The following NNT variants were observed in gnomAD, a reference collection of about 807,000 sequenced individuals.
NNT encodes NAD(P) transhydrogenase, mitochondrial.
NNT carries 50 observed loss-of-function variants against 104.8 expected under a neutral mutation model. The ratio of observed to expected loss-of-function variants is 0.48; its 90% CI spans 0.38 to 0.60. The LOEUF is 0.60. Ranked by LOEUF, NNT falls within the 20% of genes least tolerant of loss-of-function variation. The pLI, the probability that NNT is intolerant of heterozygous loss-of-function variation, is 0.00. For synonymous variants in NNT, 461 were observed against 490.4 expected (o/e 0.94, Z 0.79); for missense variants, 1,131 against 1,330.7 (o/e 0.85, Z 2.33).
intron 4 of NNT, among the ~76,000 whole-genome samples, 190 bp downstream of exon 4, chr5:43,616,255 A>G (rs1749781294): frequency 6.6e-6 from 1 of 152,194 alleles, no homozygotes; most frequent in Admixed American, 6.5e-5. Flanking sequence ...AATGAACTCT[A>G]TTTATATTCC....
At chr5:43,649,421 C>G (rs2111876580) in intron 11 of NNT, 113 bp downstream of exon 11, 1 of 1,217,876 alleles carries the variant, frequency 8.2e-7, no homozygotes, top group Non-Finnish European at 1.2e-6. Context: ...TGCTTGGCAT[C>G]TGAGTCATCT....
chr5:43,623,883 A>G (rs1489229109), intron 5 of NNT, 149 bp from the exon 6 acceptor site: 1 of 746,042 alleles, frequency 1.3e-6, no homozygotes, highest in Admixed American at 1.9e-5. Flanking sequence ...TGTACTCCAT[A>G]CAGTTACTAA....
intron 18 of NNT, 84 bp downstream of exon 18, chr5:43,675,754 A>T (rs779817232): frequency 3.7e-5 from 39 of 1,041,562 alleles, no homozygotes; most frequent in Non-Finnish European, 4.9e-5. Flanking sequence ...GGAAAGTAGA[A>T]TTGAAACTTC....
At chr5:43,658,409 C>T (rs79707532) in intron 16 of NNT, among the ~76,000 whole-genome samples, 10,080 of 152,130 alleles carry the variant, frequency 0.066, 564 homozygotes, top group African/African-American at 0.15. Flanking sequence ...AGTTGTATCA[C>T]GGACATTGTT....
At position 43,650,605 on chromosome 5, in the gene NNT, G is replaced by A. The variant is rs775678782; in HGVS notation, c.1717+18G>A. The A allele has an allele frequency of 6.4e-7, 1 of 1,554,100 alleles. No homozygotes were observed. Among genetic ancestry groups the A allele is most frequent in the Non-Finnish European group, 8.9e-7 (1 of 1,125,462 alleles). On this transcript the variant is annotated intron_variant, in intron 12 of 21. Coordinates refer to ENST00000344920, the MANE Select transcript of NNT (RefSeq NM_182977.3). ...CATTGCAGGTATGATGTCAGTGAAA[G>A]GTCTCAGTACTATTTTCAATGGAGA...
chr5:43,656,865 T>A (rs755558839), intron 16 of NNT, 52 bp downstream of exon 16: 1 of 1,522,070 alleles, frequency 6.6e-7, no homozygotes, highest in Non-Finnish European at 8.9e-7. Flanking sequence ...CTGGGAATAT[T>A]TTGTTAGATT....
intron 1 of NNT, among the ~76,000 whole-genome samples, chr5:43,604,431 C>A (rs755135242): frequency 5.3e-5 from 8 of 152,138 alleles, no homozygotes; most frequent in Non-Finnish European, 8.8e-5. Context: ...GGCTGCTTAC[C>A]TTGGTGATAG....
intron 7 of NNT, among the ~76,000 whole-genome samples, chr5:43,639,312 C>T (rs185612944): frequency 8.3e-4 from 126 of 152,180 alleles, no homozygotes; most frequent in African/African-American, 2.6e-3. Flanking sequence ...AATGAATTTA[C>T]GTGAATCACA....
At chr5:43,656,988 A>C (rs1740089635) in intron 16 of NNT, among the ~76,000 whole-genome samples, 175 bp downstream of exon 16, 1 of 152,224 alleles carries the variant, frequency 6.6e-6, no homozygotes, top group South Asian at 2.1e-4. Flanking sequence ...GAGTGTAGGA[A>C]GAACATTATT....
rs16873502 is a variant in NNT, at chr5:43,704,454, G to T, written c.*50G>T. On this transcript the variant is annotated 3_prime_UTR_variant, in exon 22 of 22. Transcript: ENST00000344920. ...AATAATGCCACCTCTGCAGTTTTGG[G>T]AACAGGCAAATAAAGTATCAGTATA... is the stretch of plus-strand genomic sequence containing the variant. 2.5e-6 allele frequency: 4 copies of T among 1,592,560 alleles called. No individual in the cohort carries two copies. Among genetic ancestry groups the T allele is most frequent in the Non-Finnish European group, 3.4e-6 (4 of 1,164,294 alleles).
At chr5:43,629,563 T>C (rs1037621881) in intron 7 of NNT, among the ~76,000 whole-genome samples, 1 of 152,230 alleles carries the variant, frequency 6.6e-6, no homozygotes, top group East Asian at 1.9e-4. Flanking sequence ...CTGCTTTCCA[T>C]AGTGGTTGTA....
chr5:43,638,874 A>AT (rs1751077251), intron 7 of NNT, among the ~76,000 whole-genome samples: 1 of 151,354 alleles, frequency 6.6e-6, no homozygotes, highest in South Asian at 2.1e-4. Context: ...TAATTAATTA[A>AT]TTTTTTCTTT....
chr5:43,658,792 C>T (rs1740195039), intron 16 of NNT, among the ~76,000 whole-genome samples: 1 of 152,146 alleles, frequency 6.6e-6, no homozygotes, highest in Non-Finnish European at 1.5e-5. Flanking sequence ...AGACTGTGGG[C>T]TTATATTTTA....
intron 17 of NNT, among the ~76,000 whole-genome samples, chr5:43,670,016 G>T (rs1233019897): frequency 6.6e-6 from 1 of 152,142 alleles, no homozygotes; most frequent in African/African-American, 2.4e-5. Flanking sequence ...TTGGGAGGGT[G>T]TATGTGTCCA....
At chr5:43,608,347 T>A (rs1231989215) in intron 1 of NNT, among the ~76,000 whole-genome samples, 1 of 152,200 alleles carries the variant, frequency 6.6e-6, no homozygotes, top group Non-Finnish European at 1.5e-5. Context: ...GTGGAGGTAG[T>A]TCCTGAAACC....
In NNT at chr5:43,704,174, G is replaced by A. The variant is rs1742997507; in HGVS notation, c.3112-81G>A. The A allele has an allele frequency of 7.7e-6, 10 of 1,293,562 alleles. No individual in the cohort carries two copies. The South Asian group carries it at 1.3e-4, about 16-fold the overall frequency. 80.1% of individuals were successfully genotyped at this position (1,293,562 alleles called of 1,614,324 possible). A position where few individuals can be genotyped will look rare whatever the true frequency, so the allele number is the denominator to read the frequency against. On this transcript the variant is annotated intron_variant, in intron 21 of 21. Coordinates refer to ENST00000344920, the MANE Select transcript of NNT (RefSeq NM_182977.3). ...GTGGTACATGCCTTGTTCAAAGGTA[G>A]TGAAGAGCAATGTTTGTTTGCCTAA... is the stretch of plus-strand genomic sequence containing the variant.
At chr5:43,657,457 C>T (rs972207353) in intron 16 of NNT, among the ~76,000 whole-genome samples, 2 of 152,072 alleles carry the variant, frequency 1.3e-5, no homozygotes, top group African/African-American at 4.8e-5. Context: ...TACTGTTATT[C>T]ACTGTTACTC....
At chr5:43,634,013 T>C (rs1490433830) in intron 7 of NNT, among the ~76,000 whole-genome samples, 1 of 152,224 alleles carries the variant, frequency 6.6e-6, no homozygotes, top group Non-Finnish European at 1.5e-5. Context: ...TATTCATTGC[T>C]TGATTGTAAA....
chr5:43,624,973 G>A (rs1750287737), intron 6 of NNT, among the ~76,000 whole-genome samples: 2 of 152,164 alleles, frequency 1.3e-5, no homozygotes. Context: ...CATAGAATAT[G>A]GTTAATAGTC....
Sources: gnomAD v4.1 joint callset for allele counts (sites outside exome capture counted in the v4.1 genomes callset) on GRCh38, gnomAD v4.1.1 for gene constraint, MANE v1.5 for transcripts, NCBI Gene and HGNC (gene_info 2026-07-23, HGNC 2026-07-21) for gene names.